Variants in FBXW7 observed in about 807,000 individuals in gnomAD.
FBXW7 encodes the protein F-box and WD repeat domain containing 7, also known as F-box/WD repeat-containing protein 7.
A neutral mutation model predicts 86.3 loss-of-function variants in FBXW7; 11 were observed. That is an observed-to-expected ratio of 0.13 (90% CI 0.08 to 0.21). The LOEUF (loss-of-function observed/expected upper bound fraction) is 0.21. Ranked by LOEUF, FBXW7 falls within the 10% of genes least tolerant of loss-of-function variation. The probability of loss-of-function intolerance (pLI) is 1.00; values close to 1 mark genes in which losing one functional copy is unlikely to be tolerated. For missense variants in FBXW7, 488 were observed against 847.4 expected (o/e 0.58, Z 5.27); for synonymous variants, 313 against 297.9 (o/e 1.05, Z -0.52).
chr4:152,470,942 AACTG>A (rs778192979), intron 2 of FBXW7, among the ~76,000 whole-genome samples: 14 of 152,196 alleles, frequency 9.2e-5, no homozygotes, highest in South Asian at 2.1e-4. Context: ...TATTAAGTAA[AACTG>A]ACTGCCTTCT....
At chr4:152,366,146 T>C (rs1733457251) in intron 4 of FBXW7, among the ~76,000 whole-genome samples, 1 of 152,216 alleles carries the variant, frequency 6.6e-6, no homozygotes, top group Non-Finnish European at 1.5e-5. Context: ...TACAGGTTTA[T>C]CATTTTATAA....
At chr4:152,481,466 T>C (rs1357468044) in intron 2 of FBXW7, among the ~76,000 whole-genome samples, 5 of 152,190 alleles carry the variant, frequency 3.3e-5, no homozygotes, top group South Asian at 2.1e-4. Context: ...AGGCCATGGA[T>C]TGAGAAGCCC....
intron 2 of FBXW7, among the ~76,000 whole-genome samples, chr4:152,486,237 G>A (rs1175505713): frequency 3.3e-5 from 5 of 152,150 alleles, no homozygotes; most frequent in East Asian, 1.9e-4. Flanking sequence ...GGCCTAGGTC[G>A]TTACTGCACA....
intron 10 of FBXW7, chr4:152,328,818 C>A (rs896761767): frequency 1.3e-5 from 2 of 152,716 alleles, no homozygotes; most frequent in Non-Finnish European, 2.9e-5. Flanking sequence ...TGCCCCAGGG[C>A]AGTAGTTAGG....
At chr4:152,323,453 A>G in intron 13 of FBXW7, 1 of 399,938 alleles carries the variant, frequency 2.5e-6, no homozygotes, top group Non-Finnish European at 4.6e-6. Flanking sequence ...GAGGATGTAG[A>G]TAGTGCAACT....
chr4:152,431,874 C>T (rs867451177), intron 2 of FBXW7, among the ~76,000 whole-genome samples: 1 of 152,156 alleles, frequency 6.6e-6, no homozygotes, highest in Non-Finnish European at 1.5e-5. Context: ...TATTCTAAAG[C>T]TCAAAACCCT....
intron 6 of FBXW7, among the ~76,000 whole-genome samples, chr4:152,340,499 A>G (rs1161734759): frequency 6.6e-6 from 1 of 151,062 alleles, no homozygotes; most frequent in Admixed American, 6.6e-5. Context: ...GAATGGCGTG[A>G]ACCCGGGAGG....
chr4:152,328,282 T>G lies in FBXW7; in HGVS notation c.1344A>C (p.Ala448=), dbSNP rs1294028988. 6.2e-7 allele frequency: 1 copy of G among 1,601,996 alleles called. No homozygotes were observed. The highest frequency in any genetic ancestry group is 1.7e-5 in the Admixed American group (1 of 57,862). The change falls in exon 11 of 14, where the codon GCA becomes GCC. Residue 448 remains alanine (A), a synonymous_variant. Transcript: ENST00000281708. ...AGGTGTGTATACATTCTCCAGTCTC[T>G]GCATTCCACACTTTGAGTGTCCGAT... The part of the protein sequence containing the change: ...STDRTLKVWN[A]ETGECIHTLY...
At chr4:152,440,274 T>C (rs1182210360) in intron 2 of FBXW7, among the ~76,000 whole-genome samples, 3 of 152,236 alleles carry the variant, frequency 2.0e-5, no homozygotes, top group Admixed American at 1.3e-4. Context: ...ATTCTTCCTT[T>C]AGAAATAATC....
chr4:152,336,534 TGAA>T (rs1730135993), intron 7 of FBXW7, among the ~76,000 whole-genome samples: 1 of 151,966 alleles, frequency 6.6e-6, no homozygotes, highest in African/African-American at 2.4e-5. Context: ...ATATCAAAGG[TGAA>T]TAAAATCACT....
intron 2 of FBXW7, among the ~76,000 whole-genome samples, chr4:152,480,123 T>G (rs767649835): frequency 6.6e-6 from 1 of 152,108 alleles, no homozygotes; most frequent in Non-Finnish European, 1.5e-5. Flanking sequence ...AAATAATGGT[T>G]TGTGCAACCC....
At chr4:152,325,964 A>C (rs1728980442) in intron 12 of FBXW7, 42 bp downstream of exon 12, 1 of 1,524,252 alleles carries the variant, frequency 6.6e-7, no homozygotes, top group East Asian at 2.3e-5. Context: ...CAACCTTATG[A>C]TTCATCAGGA....
intron 2 of FBXW7, among the ~76,000 whole-genome samples, chr4:152,463,224 T>C (rs922488974): frequency 1.3e-5 from 2 of 151,862 alleles, no homozygotes; most frequent in Non-Finnish European, 2.9e-5. Context: ...GAGGCAGAGG[T>C]TGCAGTGAGC....
intron 2 of FBXW7, among the ~76,000 whole-genome samples, chr4:152,525,133 TA>T (rs1749391275): frequency 6.6e-6 from 1 of 152,146 alleles, no homozygotes; most frequent in African/African-American, 2.4e-5. Flanking sequence ...TCGTTACCAA[TA>T]AAGAAAAGTA....
intron 4 of FBXW7, chr4:152,382,355 G>T: frequency 6.4e-7 from 1 of 1,550,482 alleles, no homozygotes; most frequent in Non-Finnish European, 8.7e-7. Context: ...CCTCTTGGTT[G>T]ACGAATACTC....
chr4:152,456,382 A>AAAC (rs1742420959), intron 2 of FBXW7, among the ~76,000 whole-genome samples: 1 of 150,138 alleles, frequency 6.7e-6, no homozygotes, highest in Non-Finnish European at 1.5e-5. Flanking sequence ...AAAAAAAAAA[A>AAAC]AAAAACAGCC....
At chr4:152,494,484 G>A (rs1746131000) in intron 2 of FBXW7, among the ~76,000 whole-genome samples, 1 of 152,152 alleles carries the variant, frequency 6.6e-6, no homozygotes, top group Middle Eastern at 3.2e-3. Context: ...TTTTTTAAAT[G>A]TCCTTTGAGG....
At chr4:152,487,188 A>C (rs1745421849) in intron 2 of FBXW7, among the ~76,000 whole-genome samples, 1 of 152,188 alleles carries the variant, frequency 6.6e-6, no homozygotes, top group African/African-American at 2.4e-5. Flanking sequence ...GGCATAAATC[A>C]ATAATGGATG....
At chr4:152,435,733 G>A (rs1403423310) in intron 2 of FBXW7, among the ~76,000 whole-genome samples, 2 of 152,166 alleles carry the variant, frequency 1.3e-5, no homozygotes, top group Non-Finnish European at 2.9e-5. Flanking sequence ...TTCACAAATA[G>A]TATATTTTTT....
Sources: gnomAD v4.1 joint callset for allele counts (sites outside exome capture counted in the v4.1 genomes callset) on GRCh38, gnomAD v4.1.1 for gene constraint, MANE v1.5 for transcripts, NCBI Gene and HGNC (gene_info 2026-07-23, HGNC 2026-07-21) for gene names.